Variants in GMPR2 observed in about 807,000 individuals in gnomAD.
The protein encoded by GMPR2 is GMP reductase 2.
A neutral mutation model predicts 38.5 loss-of-function variants in GMPR2; 32 were observed. The observed-to-expected ratio is 0.83, with a 90% CI of 0.63 to 1.12. GMPR2 has a LOEUF of 1.12. Ranked by LOEUF, GMPR2 falls within the 50% of genes most tolerant of loss-of-function variation. The pLI is 0.00. For missense variants in GMPR2, 396 were observed against 432.1 expected (o/e 0.92, Z 0.74); for synonymous variants, 154 against 151.0 (o/e 1.02, Z -0.15).
Position 24,238,908 on chromosome 14 carries a change from C to A in GMPR2, c.*130C>A, listed in dbSNP as rs530445605. 22 of 777,246 alleles carry A rather than the reference C, an allele frequency of 2.8e-5. 1 individual carries two copies. In the South Asian group the frequency reaches 3.1e-4, roughly 11 times the overall value. 48.1% of individuals were successfully genotyped at this position (777,246 alleles called of 1,614,324 possible). A position where few individuals can be genotyped will look rare whatever the true frequency, so the allele number is the denominator to read the frequency against. ...TTTCCTGTTGTCTCACTCCTGAGGGCTCCTGCAGTAACTCTGTACTTCTCT... is the reference window on the plus strand; with the variant it reads ...TTTCCTGTTGTCTCACTCCTGAGGGATCCTGCAGTAACTCTGTACTTCTCT... On this transcript the variant is annotated 3_prime_UTR_variant, in exon 10 of 10. Transcript: ENST00000399440.
At chr14:24,236,175 T>G in intron 5 of GMPR2, 35 bp downstream of exon 5, 1 of 1,540,740 alleles carries the variant, frequency 6.5e-7, no homozygotes, top group Admixed American at 1.7e-5. Flanking sequence ...CTTTTTATCT[T>G]TCCACTTTCC....
Position 24,233,688 on chromosome 14 carries a change from C to A in GMPR2, c.207+90C>A. 1 of 1,402,320 alleles carries A rather than the reference C, an allele frequency of 7.1e-7. No individual in the cohort carries two copies. The highest frequency in any genetic ancestry group is 1.2e-5 in the South Asian group (1 of 86,254). 86.9% of individuals were successfully genotyped at this position (1,402,320 alleles called of 1,614,324 possible). ...TTGCATCCCCACCCCCATGCCCAGT[C>A]AGTTCTCTGGCAGTTAGCAGTCAGG... On this transcript the variant is annotated intron_variant, in intron 3 of 9. Coordinates refer to ENST00000399440, the MANE Select transcript of GMPR2 (RefSeq NM_001002002.3).
upstream of GMPR2, chr14:24,232,896 G>A (rs2040112421): frequency 2.6e-6 from 1 of 385,470 alleles, no homozygotes; most frequent in Non-Finnish European, 4.8e-6. Context: ...CCCGCCCCCC[G>A]TCGCCAACAT....
chr14:24,233,063 A>C (rs1176390437), intron 1 of GMPR2, 86 bp downstream of exon 1: 1 of 852,964 alleles, frequency 1.2e-6, no homozygotes, highest in East Asian at 2.4e-5. Context: ...GCCCTAGGGT[A>C]ATCGCAGCCA....
Position 24,237,574 on chromosome 14 carries a change from G to C in GMPR2, c.697+12G>C, listed in dbSNP as rs762242705. On this transcript the variant is annotated intron_variant, in intron 8 of 9. Coordinates refer to ENST00000399440, the MANE Select transcript of GMPR2 (RefSeq NM_001002002.3). ...GGCCAAGGCTTTTGGTAAGGAGCTTGAGGGCACAGAAGGATGATTCTATAC... is the reference window on the plus strand; with the variant it reads ...GGCCAAGGCTTTTGGTAAGGAGCTTCAGGGCACAGAAGGATGATTCTATAC... 1 of 1,611,846 alleles carries C rather than the reference G, an allele frequency of 6.2e-7. No individual in the cohort carries two copies. Among genetic ancestry groups the C allele is most frequent in the African/African-American group, 1.3e-5 (1 of 74,908 alleles).
intron 3 of GMPR2, chr14:24,234,321 ATTGT>A (rs1474713483): frequency 3.2e-6 from 3 of 923,370 alleles, no homozygotes; most frequent in Non-Finnish European, 4.4e-6. Context: ...GAATTCTGCT[ATTGT>A]TTGTGGCTCC....
At chr14:24,233,695 C>G in intron 3 of GMPR2, 97 bp downstream of exon 3, 1 of 1,352,658 alleles carries the variant, frequency 7.4e-7, no homozygotes, top group Non-Finnish European at 1.1e-6. Flanking sequence ...AGTCAGTTCT[C>G]TGGCAGTTAG....
Position 24,239,225 on chromosome 14 carries a change from G to A in GMPR2, c.*447G>A, listed in dbSNP as rs780495909. 5 of 363,394 alleles carry A rather than the reference G, an allele frequency of 1.4e-5. No homozygotes were observed. Among genetic ancestry groups the A allele is most frequent in the African/African-American group, 1.1e-4 (5 of 46,828 alleles). The allele number at this position is 363,394 out of a possible 1,614,324, so 22.5% of individuals were successfully genotyped here. On this transcript the variant is annotated 3_prime_UTR_variant, in exon 10 of 10. Transcript: ENST00000399440. ...TATTTGAAATACCTCAATAAAGAGAGAGCTCATTGACTGTAAAGAGATGCT... is the reference window on the plus strand; with the variant it reads ...TATTTGAAATACCTCAATAAAGAGAAAGCTCATTGACTGTAAAGAGATGCT...
In GMPR2 at chr14:24,235,786, A is replaced by C; in HGVS notation, c.257A>C (p.Gln86Pro). The change falls in exon 4 of 10, where the codon CAA (glutamine) becomes CCA (proline). Residue 86 changes from glutamine (Q) to proline (P), a missense_variant. Gln to Pro is a moderately conservative substitution (Grantham distance 76). Coordinates refer to ENST00000399440, the MANE Select transcript of GMPR2 (RefSeq NM_001002002.3). Reference protein sequence around the residue: ...VHKHYSLVQWQEFAGQNPDCL... With the variant: ...VHKHYSLVQWPEFAGQNPDCL... ...AAGCACTATAGCCTCGTTCAGTGGC[A>C]AGAGTTTGCTGGCCAGAATCCTGAC... 1 of 1,613,752 alleles carries C rather than the reference A, an allele frequency of 6.2e-7. No homozygotes were observed. The highest frequency in any genetic ancestry group is 1.1e-5 in the South Asian group (1 of 91,072).
intron 5 of GMPR2, 67 bp from the exon 6 acceptor site, chr14:24,237,004 A>G: frequency 8.6e-7 from 1 of 1,156,858 alleles, no homozygotes; most frequent in East Asian, 2.3e-5. Context: ...GTCCATGCAT[A>G]CCGTAACAAT....
chr14:24,232,762 C>G (rs1004478968), upstream of GMPR2: 1 of 232,322 alleles, frequency 4.3e-6, no homozygotes, highest in South Asian at 5.7e-5. Flanking sequence ...TTGGCGTGGC[C>G]CAGAAGGCTT....
intron 8 of GMPR2, 144 bp from the exon 9 acceptor site, chr14:24,238,102 A>G (rs2040432266): frequency 8.5e-6 from 6 of 703,822 alleles, no homozygotes; most frequent in Non-Finnish European, 1.4e-5. Context: ...GCCTGCGTGG[A>G]TTGTGGGTCA....
intron 3 of GMPR2, 57 bp from the exon 4 acceptor site, chr14:24,235,680 G>A: frequency 8.6e-7 from 1 of 1,164,732 alleles, no homozygotes; most frequent in South Asian, 1.2e-5. Context: ...TCTGTTTCTA[G>A]AAAAGAGACC....
At position 24,236,006 on chromosome 14, in the gene GMPR2, G is replaced by C. The variant is rs1486769957; in HGVS notation, c.331G>C (p.Glu111Gln). The part of the protein sequence containing the change: ...ASSGTGSSDF[E>Q]QLEQILEAIP... ...CTCAGGCACAGGCTCTTCTGACTTT[G>C]AGCAGCTGGAACAGATCCTGGAAGC... Residue 111 changes from glutamate (E) to glutamine (Q), a missense_variant, in exon 5 of 10, where the codon GAG (glutamate) becomes CAG (glutamine). Transcript: ENST00000399440. 7 of 1,614,126 alleles carry C rather than the reference G, an allele frequency of 4.3e-6. No individual in the cohort carries two copies. Among genetic ancestry groups the C allele is most frequent in the African/African-American group, 2.7e-5 (2 of 75,042 alleles).
rs2040496352 is a variant in GMPR2 at position 24,239,179 on chromosome 14, A to G, written c.*401A>G. The G allele has an allele frequency of 5.4e-6, 2 of 370,070 alleles. No individual in the cohort carries two copies. The highest frequency in any genetic ancestry group is 1.0e-5 in the Non-Finnish European group (2 of 190,696). 22.9% of individuals were successfully genotyped at this position (370,070 alleles called of 1,614,324 possible). A position where few individuals can be genotyped will look rare whatever the true frequency, so the allele number is the denominator to read the frequency against. On this transcript the variant is annotated 3_prime_UTR_variant, in exon 10 of 10. Coordinates refer to ENST00000399440, the MANE Select transcript of GMPR2 (RefSeq NM_001002002.3). ...ACTAAATTGGACCTTCACATATCTA[A>G]AAAGCTCTGAAGTGTTTGTATATTT...
chr14:24,238,629 G>A lies in GMPR2; in HGVS notation c.898G>A (p.Asp300Asn), dbSNP rs575349224. The A allele has an allele frequency of 4.5e-5, 72 of 1,614,166 alleles. No homozygotes were observed. Among genetic ancestry groups the A allele is most frequent in the Non-Finnish European group, 5.4e-5 (64 of 1,179,992 alleles). The change falls in exon 10 of 10, where the codon GAT becomes AAT. Residue 300 changes from aspartate to asparagine, a missense_variant. Physicochemically the swap from Asp to Asn is conservative, Grantham distance 23 (BLOSUM62 1). Transcript: ENST00000399440. ...GACAGTGGAAGTTCCTTTTAAAGGAGATGTGGAACATACCATCCGAGACAT... is the reference window on the plus strand; with the variant it reads ...GACAGTGGAAGTTCCTTTTAAAGGAAATGTGGAACATACCATCCGAGACAT... ...GKTVEVPFKG[D>N]VEHTIRDILG...
At position 24,233,586 on chromosome 14, in the gene GMPR2, G is replaced by C. The variant is rs1394309834; in HGVS notation, c.195G>C (p.Lys65Asn). Residue 65 changes from lysine (K) to asparagine (N), a missense_variant, in exon 3 of 10, where the codon AAG becomes AAC. Coordinates refer to ENST00000399440, the MANE Select transcript of GMPR2 (RefSeq NM_001002002.3). ...CTGTGGGCACCTTTGAGATGGCCAA[G>C]GTTCTCTGTAAGGTAGGGCTTTCCT... ...MDTVGTFEMA[K>N]VLCKFSLFTA... 1.2e-6 allele frequency: 2 copies of C among 1,614,012 alleles called. No individual in the cohort carries two copies. The highest frequency in any genetic ancestry group is 1.7e-6 in the Non-Finnish European group (2 of 1,180,006).
intron 4 of GMPR2, 41 bp from the exon 5 acceptor site, chr14:24,235,926 A>G (rs1168058867): frequency 1.9e-6 from 3 of 1,605,422 alleles, no homozygotes; most frequent in East Asian, 4.5e-5. Context: ...GCTGCCCACC[A>G]GATCATCTCT....
Position 24,233,229 on chromosome 14 carries a change from C to T in GMPR2, c.-25C>T. 1 of 1,613,792 alleles carries T rather than the reference C, an allele frequency of 6.2e-7. No individual in the cohort carries two copies. Among genetic ancestry groups the T allele is most frequent in the East Asian group, 2.2e-5 (1 of 44,882 alleles). On this transcript the variant is annotated 5_prime_UTR_variant, in exon 2 of 10. Coordinates refer to ENST00000399440, the MANE Select transcript of GMPR2 (RefSeq NM_001002002.3). ...CTTCCTGCCTTCCAGCCCTCAGATT[C>T]ATCGCTACCCCGAGGCTAAGCGCCA...
Sources: gnomAD v4.1 joint callset for allele counts on GRCh38, gnomAD v4.1.1 for gene constraint, MANE v1.5 for transcripts, NCBI Gene and HGNC (gene_info 2026-07-23, HGNC 2026-07-21) for gene names.